Variants in AUTS2 observed in about 807,000 individuals in gnomAD.
AUTS2 encodes activator of transcription and developmental regulator AUTS2.
In AUTS2, 17 loss-of-function variants were observed where a neutral mutation model predicts 112.4. The observed-to-expected ratio is 0.15, with a 90% CI of 0.10 to 0.23. The LOEUF is 0.23. AUTS2 is among the 10% of genes least tolerant of loss of function. The pLI, the probability that AUTS2 is intolerant of heterozygous loss-of-function variation, is 1.00. For missense variants in AUTS2, 1,510 were observed against 1,701.6 expected, an observed-to-expected ratio of 0.89 and a Z score of 1.98; for synonymous variants, 751 against 702.7, an observed-to-expected ratio of 1.07 and a Z score of -1.09.
chr7:70,433,223 A>C (rs1795748212), intron 4 of AUTS2, among the ~76,000 whole-genome samples: 1 of 152,210 alleles, frequency 6.6e-6, no homozygotes, highest in African/African-American at 2.4e-5. Flanking sequence ...GATAGGGGGC[A>C]CAGTGGTGGT....
chr7:70,208,836 G>C (rs1419448147), intron 4 of AUTS2, among the ~76,000 whole-genome samples: 1 of 151,906 alleles, frequency 6.6e-6, no homozygotes, highest in Non-Finnish European at 1.5e-5. Context: ...ATCTTGGTGT[G>C]TTCAAGGGAC....
chr7:70,296,638 T>G (rs1788950248), intron 4 of AUTS2, among the ~76,000 whole-genome samples: 1 of 152,182 alleles, frequency 6.6e-6, no homozygotes, highest in Non-Finnish European at 1.5e-5. Context: ...TAACTATTAT[T>G]GTGTGTGTAA....
chr7:70,317,041 C>G (rs1023653226), intron 4 of AUTS2: 2 of 152,132 alleles, frequency 1.3e-5, no homozygotes, highest in African/African-American at 2.4e-5. Context: ...AGTGACAGAT[C>G]CCCAGGTAAC....
At chr7:70,458,253 A>G (rs945904159) in intron 5 of AUTS2, among the ~76,000 whole-genome samples, 4 of 152,288 alleles carry the variant, frequency 2.6e-5, no homozygotes, top group South Asian at 2.1e-4. Context: ...ACCTGCCCAC[A>G]TTGCTAAACT....
intron 1 of AUTS2, among the ~76,000 whole-genome samples, chr7:69,759,790 A>C (rs1340210628): frequency 6.0e-5 from 2 of 33,536 alleles, no homozygotes; most frequent in African/African-American, 2.7e-4. Context: ...CCCCCCCCCC[A>C]TATAAAGGAC....
chr7:70,063,478 A>G (rs765671057), intron 2 of AUTS2, among the ~76,000 whole-genome samples: 2 of 152,164 alleles, frequency 1.3e-5, no homozygotes, highest in African/African-American at 2.4e-5. Context: ...TTGTGTGATC[A>G]TGGGCGAGTT....
chr7:70,517,850 G>C (rs1448098009), intron 5 of AUTS2, among the ~76,000 whole-genome samples: 1 of 151,956 alleles, frequency 6.6e-6, no homozygotes, highest in African/African-American at 2.4e-5. Context: ...ACACATACAT[G>C]ATTTGTATCC....
intron 1 of AUTS2, among the ~76,000 whole-genome samples, chr7:69,610,392 G>A (rs1474645332): frequency 1.3e-5 from 2 of 152,164 alleles, no homozygotes; most frequent in African/African-American, 2.4e-5. Flanking sequence ...GGTGTAAATC[G>A]AATTTTTGTA....
At chr7:70,297,681 G>A (rs958482309) in intron 4 of AUTS2, among the ~76,000 whole-genome samples, 9 of 151,872 alleles carry the variant, frequency 5.9e-5, no homozygotes, top group African/African-American at 1.2e-4. Context: ...TGATCCTCCC[G>A]CCTCAGCCTC....
intron 2 of AUTS2, among the ~76,000 whole-genome samples, chr7:70,000,550 C>T (rs548946030): frequency 5.3e-5 from 8 of 152,142 alleles, no homozygotes; most frequent in African/African-American, 9.6e-5. Flanking sequence ...TTTACCTTCT[C>T]CTTTGGTTAG....
chr7:70,401,100 G>A (rs1481401192), intron 4 of AUTS2, among the ~76,000 whole-genome samples: 2 of 152,180 alleles, frequency 1.3e-5, no homozygotes, highest in South Asian at 2.1e-4. Context: ...ACTGGGCAAC[G>A]AATTTGATGG....
chr7:69,810,068 G>A (rs542563744), intron 1 of AUTS2, among the ~76,000 whole-genome samples: 4 of 152,246 alleles, frequency 2.6e-5, no homozygotes, highest in South Asian at 2.1e-4. Context: ...GAACCTGACC[G>A]TGTGACTCTG....
chr7:69,811,116 A>G (rs1432230244), intron 1 of AUTS2, among the ~76,000 whole-genome samples: 2 of 151,884 alleles, frequency 1.3e-5, no homozygotes, highest in South Asian at 2.1e-4. Flanking sequence ...GAGTGTTTTT[A>G]CTCTGCACCA....
chr7:70,270,217 T>A (rs1338667638), intron 4 of AUTS2, among the ~76,000 whole-genome samples: 3 of 152,186 alleles, frequency 2.0e-5, no homozygotes, highest in Admixed American at 6.5e-5. Context: ...TTGTGTTATG[T>A]TTACTGGGTT....
intron 4 of AUTS2, among the ~76,000 whole-genome samples, chr7:70,245,245 T>A (rs1222083237): frequency 6.6e-6 from 1 of 151,298 alleles, no homozygotes; most frequent in Admixed American, 6.6e-5. Flanking sequence ...TTAAAGCTCT[T>A]GACAGAGTAA....
At chr7:70,478,452 A>G (rs1288988417) in intron 5 of AUTS2, among the ~76,000 whole-genome samples, 1 of 152,184 alleles carries the variant, frequency 6.6e-6, no homozygotes, top group Non-Finnish European at 1.5e-5. Context: ...CCATCCATCA[A>G]GAAGAAGGAA....
chr7:70,007,005 C>T (rs1385120603), intron 2 of AUTS2, among the ~76,000 whole-genome samples: 1 of 152,128 alleles, frequency 6.6e-6, no homozygotes, highest in Non-Finnish European at 1.5e-5. Flanking sequence ...TTTCGCAAAG[C>T]AGAATTAGGC....
At position 70,742,718 on chromosome 7, in the gene AUTS2, C is replaced by T. The variant is rs549687424; in HGVS notation, c.743-20152C>T. Among the ~76,000 whole-genome samples, 157 of 152,200 alleles carry T rather than the reference C, an allele frequency of 1.0e-3. 1 individual carries two copies. The highest frequency in any genetic ancestry group is 3.7e-3 in the African/African-American group (153 of 41,544). On this transcript the variant is annotated intron_variant, in intron 6 of 18. Coordinates refer to ENST00000342771, the MANE Select transcript of AUTS2 (RefSeq NM_015570.4). ...CAGAGGTTGCAGTGAGCCGAGATCGCGCCCTTGCACTCCAGCCTGGGCAAC... is the reference window on the plus strand; with the variant it reads ...CAGAGGTTGCAGTGAGCCGAGATCGTGCCCTTGCACTCCAGCCTGGGCAAC...
At chr7:69,709,428 C>T (rs1485610066) in intron 1 of AUTS2, among the ~76,000 whole-genome samples, 1 of 152,154 alleles carries the variant, frequency 6.6e-6, no homozygotes, top group Non-Finnish European at 1.5e-5. Flanking sequence ...TGGAGTTCTG[C>T]AGTACAGCCG....
Sources: allele counts gnomAD v4.1 joint callset (sites outside exome capture counted in the v4.1 genomes callset), GRCh38; gene constraint gnomAD v4.1.1; transcripts MANE v1.5; gene names NCBI Gene and HGNC (gene_info 2026-07-23, HGNC 2026-07-21).